The following POU2F1 variants were observed in gnomAD, a reference collection of about 807,000 sequenced individuals.
POU2F1 encodes POU domain, class 2, transcription factor 1.
POU2F1 carries 16 observed loss-of-function variants against 84.9 expected under a neutral mutation model. The observed-to-expected ratio is 0.19, with a 90% CI of 0.13 to 0.29. The LOEUF (loss-of-function observed/expected upper bound fraction) is 0.29. Among genes scored for constraint, POU2F1 ranks in the 10% least tolerant of loss-of-function variants. POU2F1 has a pLI of 1.00. For missense variants in POU2F1, 738 were observed against 942.6 expected (o/e 0.78, Z 2.84); for synonymous variants, 368 against 368.3 (o/e 1.00, Z 0.01).
At chr1:167,367,570 C>G (rs1237330094) in intron 3 of POU2F1, among the ~76,000 whole-genome samples, 1 of 152,014 alleles carries the variant, frequency 6.6e-6, no homozygotes, top group Non-Finnish European at 1.5e-5. Context: ...TAAAGGAATG[C>G]TCTCTTCTTT....
intron 2 of POU2F1, among the ~76,000 whole-genome samples, chr1:167,338,483 C>T (rs913480321): frequency 1.4e-4 from 22 of 152,088 alleles, no homozygotes; most frequent in African/African-American, 4.1e-4. Context: ...GTTCAGGGTT[C>T]GACTGTATGA....
intron 8 of POU2F1, among the ~76,000 whole-genome samples, chr1:167,385,836 A>G (rs1417946083): frequency 6.6e-6 from 1 of 152,216 alleles, no homozygotes; most frequent in African/African-American, 2.4e-5. Context: ...AGATGGGGAG[A>G]AAATATTTAT....
intron 1 of POU2F1, among the ~76,000 whole-genome samples, chr1:167,254,412 AGGT>A (rs1650979462): frequency 6.6e-6 from 1 of 152,196 alleles, no homozygotes; most frequent in African/African-American, 2.4e-5. Context: ...CTGGCCCTGA[AGGT>A]GGGCAGAAAA....
chr1:167,354,798 T>G (rs1418829982), intron 2 of POU2F1, among the ~76,000 whole-genome samples: 1 of 152,188 alleles, frequency 6.6e-6, no homozygotes, highest in African/African-American at 2.4e-5. Flanking sequence ...TGAACATCTT[T>G]TCCTGTGTTT....
At chr1:167,230,177 T>A (rs10737534) in intron 1 of POU2F1, among the ~76,000 whole-genome samples, 149,627 of 152,242 alleles carry the variant, frequency 0.98, 73,579 homozygotes, top group East Asian at 1. Context: ...ATGACCTGAA[T>A]GTGTACCCAG....
intron 2 of POU2F1, among the ~76,000 whole-genome samples, chr1:167,336,995 A>T (rs1202614941): frequency 6.6e-6 from 1 of 152,040 alleles, no homozygotes; most frequent in African/African-American, 2.4e-5. Context: ...GTGAAACCCC[A>T]TCTCTACTAA....
At chr1:167,272,366 G>C (rs145166641) in intron 1 of POU2F1, among the ~76,000 whole-genome samples, 1 of 129,604 alleles carries the variant, frequency 7.7e-6, no homozygotes, top group African/African-American at 3.0e-5. Context: ...GGTTTTGTAA[G>C]TATGTTCCCA....
At chr1:167,287,662 A>G (rs1437369012) in intron 1 of POU2F1, among the ~76,000 whole-genome samples, 1 of 152,226 alleles carries the variant, frequency 6.6e-6, no homozygotes. Flanking sequence ...AGTTATGGAA[A>G]ATAGAATGAG....
Position 167,415,921 on chromosome 1 carries a change from A to T in POU2F1, c.*111A>T. On this transcript the variant is annotated 3_prime_UTR_variant, in exon 16 of 16. Transcript: ENST00000367866. ...ATTGGCTTCCTCTCGCCGTGTTGTGAGGGCAAAGGAGAGAAGGGAGAAAAA... is the reference window on the plus strand; with the variant it reads ...ATTGGCTTCCTCTCGCCGTGTTGTGTGGGCAAAGGAGAGAAGGGAGAAAAA... 54 of 635,370 alleles carry T rather than the reference A, an allele frequency of 8.5e-5. No homozygotes were observed. Among genetic ancestry groups the T allele is most frequent in the Non-Finnish European group, 1.2e-4 (49 of 397,162 alleles). 39.4% of individuals were successfully genotyped at this position (635,370 alleles called of 1,614,324 possible).
At chr1:167,259,704 A>G (rs577335195) in intron 1 of POU2F1, among the ~76,000 whole-genome samples, 2 of 152,306 alleles carry the variant, frequency 1.3e-5, no homozygotes, top group South Asian at 2.1e-4. Flanking sequence ...GAGAGTGACT[A>G]TATCAATTTA....
rs1256968891 is a variant in POU2F1 at position 167,416,301 on chromosome 1, A to G, written c.*491A>G. 3.8e-6 allele frequency: 1 copy of G among 263,246 alleles called. No individual in the cohort carries two copies. The highest frequency in any genetic ancestry group is 7.4e-6 in the Non-Finnish European group (1 of 135,924). The allele number at this position is 263,246 out of a possible 1,614,324, so 16.3% of individuals were successfully genotyped here. A position where few individuals can be genotyped will look rare whatever the true frequency, so the allele number is the denominator to read the frequency against. On this transcript the variant is annotated 3_prime_UTR_variant, in exon 16 of 16. Coordinates refer to ENST00000367866, the MANE Select transcript of POU2F1 (RefSeq NM_002697.4). ...GTTGTACAGGCCATTAAGTCATAACAAGGTGTTTATAATCGTATCAATTGT... is the reference window on the plus strand; with the variant it reads ...GTTGTACAGGCCATTAAGTCATAACGAGGTGTTTATAATCGTATCAATTGT...
intron 1 of POU2F1, among the ~76,000 whole-genome samples, chr1:167,287,088 TG>T (rs1321492479): frequency 1.3e-5 from 2 of 152,196 alleles, no homozygotes; most frequent in Admixed American, 1.3e-4. Context: ...TGTATAGAGC[TG>T]TAACTCTTAA....
rs184805380 is a variant in POU2F1, at chr1:167,267,598, T to A, written c.61+46640T>A. Among the ~76,000 whole-genome samples the A allele has an allele frequency of 8.4e-4, 127 of 151,640 alleles. 2 individuals carry two copies. In the East Asian group the frequency reaches 0.017, roughly 20 times the overall value. On this transcript the variant is annotated intron_variant, in intron 1 of 15. Coordinates refer to ENST00000367866, the MANE Select transcript of POU2F1 (RefSeq NM_002697.4). ...TTACTGCTTTAAAACATTTTAAAAT[T>A]CTTCATTGTGAAAGTATCACAGTTA...
intron 13 of POU2F1, among the ~76,000 whole-genome samples, chr1:167,411,162 C>G (rs1649938529): frequency 6.6e-6 from 1 of 151,944 alleles, no homozygotes; most frequent in Non-Finnish European, 1.5e-5. Context: ...GCCTTAGCCT[C>G]CCGAGTAGCT....
intron 1 of POU2F1, among the ~76,000 whole-genome samples, chr1:167,319,772 AACGAGGGAATATGGGTGGTG>A (rs984827241): frequency 6.6e-6 from 1 of 152,012 alleles, no homozygotes; most frequent in Non-Finnish European, 1.5e-5. Context: ...TAGTCTCCCA[AACGAGGGAATATGGGTGGTG>A]ACATCCATTT....
intron 1 of POU2F1, among the ~76,000 whole-genome samples, chr1:167,309,853 C>T (rs149186115): frequency 2.0e-5 from 3 of 152,170 alleles, no homozygotes; most frequent in South Asian, 2.1e-4. Context: ...TTAATTTCAA[C>T]GCATATAATC....
At chr1:167,249,326 A>G (rs1650558115) in intron 1 of POU2F1, among the ~76,000 whole-genome samples, 1 of 152,206 alleles carries the variant, frequency 6.6e-6, no homozygotes, top group South Asian at 2.1e-4. Flanking sequence ...TGCCTCTGCT[A>G]TATAACTTTC....
chr1:167,310,877 G>A (rs1655420743), intron 1 of POU2F1, among the ~76,000 whole-genome samples: 1 of 152,158 alleles, frequency 6.6e-6, no homozygotes, highest in Non-Finnish European at 1.5e-5. Flanking sequence ...AACTCACTGT[G>A]TAGGCTTACA....
chr1:167,334,739 AG>A (rs932499038), intron 2 of POU2F1, among the ~76,000 whole-genome samples: 23 of 152,340 alleles, frequency 1.5e-4, no homozygotes, highest in Non-Finnish European at 2.9e-4. Context: ...CAGTTTATTT[AG>A]ATAATTGTAT....
Sources: allele counts gnomAD v4.1 joint callset (sites outside exome capture counted in the v4.1 genomes callset), GRCh38; gene constraint gnomAD v4.1.1; transcripts MANE v1.5; gene names NCBI Gene and HGNC (gene_info 2026-07-23, HGNC 2026-07-21).